The following ARMC2 variants were observed in gnomAD, a reference collection of about 807,000 sequenced individuals.
ARMC2 encodes armadillo repeat containing 2, also known as armadillo repeat-containing protein 2.
Under a neutral mutation model 90.3 loss-of-function variants are expected in ARMC2, and 67 were observed. The ratio of observed to expected loss-of-function variants is 0.74; its 90% CI spans 0.61 to 0.91. The LOEUF (loss-of-function observed/expected upper bound fraction) is 0.91. ARMC2 is among the 40% of genes least tolerant of loss of function. ARMC2 has a pLI of 0.00. For missense variants in ARMC2, 920 were observed against 1,030.9 expected (o/e 0.89, Z 1.47); for synonymous variants, 393 against 393.0 (o/e 1.00, Z 0.00).
chr6:108,964,833 C>G, intron 16 of ARMC2, 147 bp from the exon 17 acceptor site: 1 of 642,916 alleles, frequency 1.6e-6, no homozygotes, highest in Non-Finnish European at 2.6e-6. Flanking sequence ...ACTTTATAAC[C>G]ACTTAAATTT....
the ARMC2 span, among the ~76,000 whole-genome samples, chr6:109,042,216 G>A: frequency 6.6e-6 from 1 of 151,794 alleles, no homozygotes; most frequent in Non-Finnish European, 1.5e-5. Context: ...AGTGCTGAGA[G>A]GGAAATTTAT....
chr6:108,898,593 AATC>A (rs1771833584), intron 6 of ARMC2, among the ~76,000 whole-genome samples: 1 of 152,346 alleles, frequency 6.6e-6, no homozygotes, highest in Admixed American at 6.5e-5. Flanking sequence ...TGTGAAATAT[AATC>A]ATAATTTGCA....
chr6:108,931,521 C>G (rs1195168530), intron 11 of ARMC2, among the ~76,000 whole-genome samples: 6 of 151,896 alleles, frequency 4.0e-5, no homozygotes, highest in African/African-American at 1.5e-4. Context: ...AATGATTGAA[C>G]TAATTTATAC....
At chr6:108,985,993 A>AC in the ARMC2 span, among the ~76,000 whole-genome samples, 4 of 151,992 alleles carry the variant, frequency 2.6e-5, no homozygotes, top group East Asian at 7.7e-4. Flanking sequence ...ATCCTTCCCA[A>AC]CCCCTACTTC....
chr6:109,024,980 C>T, the ARMC2 span, among the ~76,000 whole-genome samples: 1 of 152,102 alleles, frequency 6.6e-6, no homozygotes, highest in Admixed American at 6.5e-5. Context: ...AACCCACCGA[C>T]AGGAGGAGTC....
At chr6:108,866,375 T>C (rs1194399063) in intron 3 of ARMC2, among the ~76,000 whole-genome samples, 1 of 152,220 alleles carries the variant, frequency 6.6e-6, no homozygotes, top group Non-Finnish European at 1.5e-5. Context: ...TAAACAAATA[T>C]AGTGCAACTT....
chr6:108,862,260 CT>C (rs1274237946), intron 3 of ARMC2, among the ~76,000 whole-genome samples: 4 of 139,888 alleles, frequency 2.9e-5, no homozygotes, highest in African/African-American at 1.0e-4. Context: ...AGGAGAATCA[CT>C]TTAACCCAGC....
chr6:108,983,103 C>T, the ARMC2 span, among the ~76,000 whole-genome samples: 1 of 152,098 alleles, frequency 6.6e-6, no homozygotes, highest in Non-Finnish European at 1.5e-5. Context: ...AGGCATGAGC[C>T]ACCACTCCCA....
chr6:108,868,992 G>T lies in ARMC2; in HGVS notation c.460G>T (p.Asp154Tyr), dbSNP rs199572050. The change falls in exon 4 of 18, where the codon GAC (aspartate) becomes TAC (tyrosine). Residue 154 changes from aspartate (D) to tyrosine (Y), a missense_variant. Coordinates refer to ENST00000392644, the MANE Select transcript of ARMC2 (RefSeq NM_032131.6). ...GCCGGACAGATCCCTTCCTCCCTCC[G>T]ACTGTAAGGCCATGTAACATCCTGT... ...LLPDRSLPPS[D>Y]SKKTVESKET... is the part of the protein sequence containing the mutation. 2 of 1,610,844 alleles carry T rather than the reference G, an allele frequency of 1.2e-6. No homozygotes were observed. The highest frequency in any genetic ancestry group is 2.2e-5 in the East Asian group (1 of 44,816).
chr6:108,906,506 A>G (rs1002114111), intron 8 of ARMC2, among the ~76,000 whole-genome samples: 3 of 151,782 alleles, frequency 2.0e-5, no homozygotes, highest in South Asian at 4.2e-4. Context: ...TAAAGACAAG[A>G]TCTCGCTCTT....
the ARMC2 span, chr6:108,986,514 G>A: frequency 1.3e-5 from 2 of 152,630 alleles, no homozygotes; most frequent in African/African-American, 4.8e-5. Context: ...CACGCTTCCA[G>A]AATACAAAGT....
intron 3 of ARMC2, among the ~76,000 whole-genome samples, chr6:108,866,829 A>G (rs1775870674): frequency 1.3e-5 from 2 of 152,156 alleles, no homozygotes; most frequent in Non-Finnish European, 2.9e-5. Flanking sequence ...GGTCTGGTTT[A>G]TAAATCGATC....
intron 5 of ARMC2, among the ~76,000 whole-genome samples, chr6:108,878,202 T>G (rs998908235): frequency 3.3e-5 from 5 of 152,214 alleles, no homozygotes; most frequent in African/African-American, 1.2e-4. Context: ...TTGTAAACAT[T>G]TAAGTGACTA....
chr6:109,004,438 CTTT>C, the ARMC2 span, among the ~76,000 whole-genome samples: 9 of 142,668 alleles, frequency 6.3e-5, no homozygotes, highest in Non-Finnish European at 9.3e-5. Context: ...CCCCAACAAT[CTTT>C]TTTTTTTTTT....
At chr6:109,051,147 AAAC>A in the ARMC2 span, among the ~76,000 whole-genome samples, 1 of 150,116 alleles carries the variant, frequency 6.7e-6, no homozygotes, top group Non-Finnish European at 1.5e-5. Flanking sequence ...AATCTCTTAA[AAAC>A]AAAAAAAAAC....
At chr6:108,900,609 C>T (rs1222841062) in intron 7 of ARMC2, among the ~76,000 whole-genome samples, 1 of 152,180 alleles carries the variant, frequency 6.6e-6, no homozygotes, top group Non-Finnish European at 1.5e-5. Context: ...AGCAACCAAA[C>T]AGAGATGTGC....
chr6:108,922,073 AG>A (rs1053013426), intron 10 of ARMC2, among the ~76,000 whole-genome samples: 12 of 152,146 alleles, frequency 7.9e-5, no homozygotes, highest in African/African-American at 2.9e-4. Flanking sequence ...GAGTTCCTTG[AG>A]GACAGAGTAC....
In ARMC2 at chr6:108,964,980, G is replaced by C. The variant is rs1157687279; in HGVS notation, c.2286G>C (p.Lys762Asn). Reference sequence around the variant, plus strand: ...CTCAATTTGAATTTTATTAACTCAGGTTAGTGGACTGTTTAAGAGATTTGG... The same window carrying C: ...CTCAATTTGAATTTTATTAACTCAGCTTAGTGGACTGTTTAAGAGATTTGG... Reference protein sequence around the residue: ...VILKEGGGIKKLVDCLRDLGP... With the variant: ...VILKEGGGIKNLVDCLRDLGP... Residue 762 changes from lysine (K) to asparagine (N), a missense_variant and splice_region_variant, in exon 17 of 18, where the codon AAG becomes AAC. By Grantham distance (94) the Lys-to-Asn change is moderately conservative (BLOSUM62 0). Coordinates refer to ENST00000392644, the MANE Select transcript of ARMC2 (RefSeq NM_032131.6). 1 of 1,601,874 alleles carries C rather than the reference G, an allele frequency of 6.2e-7. No homozygotes were observed. Among genetic ancestry groups the C allele is most frequent in the African/African-American group, 1.3e-5 (1 of 74,720 alleles).
At chr6:108,989,594 T>A in the ARMC2 span, among the ~76,000 whole-genome samples, 2 of 143,152 alleles carry the variant, frequency 1.4e-5, no homozygotes, top group Non-Finnish European at 3.1e-5. Flanking sequence ...TAGAGAGAGA[T>A]AGAGAGAGAT....
Sources: gnomAD v4.1 joint callset for allele counts (sites outside exome capture counted in the v4.1 genomes callset) on GRCh38, gnomAD v4.1.1 for gene constraint, MANE v1.5 for transcripts, NCBI Gene and HGNC (gene_info 2026-07-23, HGNC 2026-07-21) for gene names.